The following CEP295NL variants were observed in gnomAD, a reference collection of about 807,000 sequenced individuals.
CEP295NL encodes the protein CEP295 N-terminal like, also known as protein DDC8 homolog.
A neutral mutation model predicts 4.6 loss-of-function variants in CEP295NL; 3 were observed. That is an observed-to-expected ratio of 0.65 (90% CI 0.30 to 1.69). The LOEUF (loss-of-function observed/expected upper bound fraction) is 1.69. Ranked by LOEUF, CEP295NL falls within the 40% of genes most tolerant of loss-of-function variation. The pLI, the probability that CEP295NL is intolerant of heterozygous loss-of-function variation, is 0.10. For missense variants in CEP295NL, 719 were observed against 769.0 expected, an observed-to-expected ratio of 0.93 and a Z score of 0.77; for synonymous variants, 295 against 312.2, an observed-to-expected ratio of 0.94 and a Z score of 0.58.
rs930934547 is a variant in CEP295NL, at chr17:78,896,146, G to C, written c.45-3687C>G. 6.6e-6 allele frequency among the ~76,000 whole-genome samples: 1 copy of C among 152,108 alleles called. No individual in the cohort carries two copies. The highest frequency in any genetic ancestry group is 2.1e-4 in the South Asian group (1 of 4,824). ...CTCTGACACCATCAGATGCAACCTC[G>C]TCCCCGCTACCCCAGCTCTCCTTGC... On this transcript the variant is annotated intron_variant, in intron 2 of 2. Transcript: ENST00000322630. This position sits in a 1 kb window ranked among gnomAD's most constrained non-coding sequence, Gnocchi z 4.4.
rs1376371800 is a variant in CEP295NL, at chr17:78,891,145, C to T, written c.1359G>A (p.Glu453=). 3.2e-6 allele frequency: 5 copies of T among 1,550,664 alleles called. No individual in the cohort carries two copies. The highest frequency in any genetic ancestry group is 2.4e-5 in the East Asian group (1 of 40,920). ...CCTCTTTGTTGATAAATATACCTGC[C>T]TCGGGAGACAATGTTTGACTTCCAT... ...FRNGSQTLSP[E]AGIFINKEDS... Residue 453 remains glutamate (E), a synonymous_variant, in exon 3 of 3, where the codon GAG becomes GAA. Transcript: ENST00000322630. This position sits in a 1 kb window ranked among gnomAD's most constrained non-coding sequence, Gnocchi z 4.5.
chr17:78,893,717 G>A (rs1247876747), intron 2 of CEP295NL, among the ~76,000 whole-genome samples: 1 of 152,030 alleles, frequency 6.6e-6, no homozygotes, highest in Non-Finnish European at 1.5e-5. Flanking sequence ...AACCAGAGAG[G>A]AGGAGAAGCT....
Position 78,893,471 on chromosome 17 carries a change from A to G in CEP295NL, c.45-1012T>C, listed in dbSNP as rs1327415993. On this transcript the variant is annotated intron_variant, in intron 2 of 2. Coordinates refer to ENST00000322630, the MANE Select transcript of CEP295NL (RefSeq NM_001243540.2). ...GCTGTGTGTGCAGGGGTGTGTGTGCATAGCGGTGTGTGTGCAGGGGTGTGT... is the reference window on the plus strand; with the variant it reads ...GCTGTGTGTGCAGGGGTGTGTGTGCGTAGCGGTGTGTGTGCAGGGGTGTGT... Among the ~76,000 whole-genome samples the G allele has an allele frequency of 2.6e-3, 279 of 108,194 alleles. 3 individuals are homozygous for G. Among genetic ancestry groups the G allele is most frequent in the African/African-American group, 9.7e-3 (262 of 27,148 alleles). The allele number at this position is 108,194 out of a possible 152,430, so 71.0% of individuals were successfully genotyped here.
chr17:78,890,642 CA>C lies in CEP295NL; in HGVS notation c.1861del (p.Cys621AlafsTer?). 1 of 1,549,810 alleles carries C rather than the reference CA, an allele frequency of 6.5e-7. No individual in the cohort carries two copies. Among genetic ancestry groups the C allele is most frequent in the Non-Finnish European group, 8.7e-7 (1 of 1,146,318 alleles). The stretch of plus-strand genomic sequence containing the variant: ...CCCCGGGTGGGCCTCTCGCATTTAG[CA>C]TATGTTCTGAAACTCCCGCAAGCAT... ...RKCLREFQNIC is the reference protein window; with the variant it reads ...RKCLREFQNIX On this transcript the variant is annotated frameshift_variant, in exon 3 of 3. Coordinates refer to ENST00000322630, the MANE Select transcript of CEP295NL (RefSeq NM_001243540.2). LOFTEE classifies it high-confidence loss of function.
rs1454768220 is a variant in CEP295NL, at chr17:78,891,499, G to C, written c.1005C>G (p.Asn335Lys). 1 of 1,551,028 alleles carries C rather than the reference G, an allele frequency of 6.4e-7. No homozygotes were observed. Among genetic ancestry groups the C allele is most frequent in the Non-Finnish European group, 8.7e-7 (1 of 1,147,128 alleles). ...PASQCTLREKNKWQKELELAF... is the reference protein window; with the variant it reads ...PASQCTLREKKKWQKELELAF... ...CCAACTCCAGCTCTTTCTGCCACTT[G>C]TTCTTCTCCCGGAGCGTGCACTGAG... The change falls in exon 3 of 3, where the codon AAC becomes AAG. Residue 335 changes from asparagine to lysine, a missense_variant. By Grantham distance (94) the Asn-to-Lys change is moderately conservative (BLOSUM62 0). Transcript: ENST00000322630. The surrounding 1 kb of genome is among the most constrained non-coding windows in gnomAD (Gnocchi z 4.5).
Position 78,890,621 on chromosome 17 carries a change from G to A in CEP295NL, c.*17C>T, listed in dbSNP as rs770299113. ...CCATTATCAGTGATGTATTTACCCC[G>A]GGTGGGCCTCTCGCATTTAGCATAT... On this transcript the variant is annotated 3_prime_UTR_variant, in exon 3 of 3. Coordinates refer to ENST00000322630, the MANE Select transcript of CEP295NL (RefSeq NM_001243540.2). The A allele has an allele frequency of 7.1e-5, 110 of 1,546,326 alleles. No homozygotes were observed. Among genetic ancestry groups the A allele is most frequent in the South Asian group, 5.8e-4 (49 of 83,856 alleles).
At chr17:78,893,410 T>C (rs58034643) in intron 2 of CEP295NL, among the ~76,000 whole-genome samples, 2,038 of 90,774 alleles carry the variant, frequency 0.022, 104 homozygotes, top group African/African-American at 0.16. Context: ...GGGGTGTGTG[T>C]GCATAGGGGT....
At chr17:78,901,558 G>A (rs1599169916) in intron 2 of CEP295NL, among the ~76,000 whole-genome samples, 1 of 152,162 alleles carries the variant, frequency 6.6e-6, no homozygotes, top group South Asian at 2.1e-4. Flanking sequence ...AAAGCCAAAG[G>A]AGGTGAGGTG....
Position 78,890,868 on chromosome 17 carries a change from T to G in CEP295NL, c.1636A>C (p.Arg546=), listed in dbSNP as rs1185232043. ...TTCAGATGGGCCAGTCGAGCTCTTCTTTGCTCCCTCCTCTCTTTTTCTAGC... is the reference window on the plus strand; with the variant it reads ...TTCAGATGGGCCAGTCGAGCTCTTCGTTGCTCCCTCCTCTCTTTTTCTAGC... ...AELEKERREQ[R]RARLAHLKSS... Residue 546 remains arginine, a synonymous_variant, in exon 3 of 3, where the codon AGA becomes CGA. Transcript: ENST00000322630. The G allele has an allele frequency of 1.3e-6, 2 of 1,550,652 alleles. No homozygotes were observed. The highest frequency in any genetic ancestry group is 1.7e-6 in the Non-Finnish European group (2 of 1,147,020).
intron 2 of CEP295NL, among the ~76,000 whole-genome samples, chr17:78,893,235 ATGTG>A (rs34814400): frequency 0.021 from 1,863 of 88,094 alleles, 22 homozygotes; most frequent in Non-Finnish European, 0.029. Flanking sequence ...GTGTGTGTGC[ATGTG>A]TGTGTAGGAG....
Position 78,891,936 on chromosome 17 carries a change from TGG to T in CEP295NL, c.566_567del (p.Pro189GlnfsTer32). ...GCTGTCTTCCGGGGCCTGGAGTGCC[TGG>T]GGTGTTGCTGGCCCAACTCTTCCCT... ...SCREELGQQH[P>X]RHSRPRKTAA... On this transcript the variant is annotated frameshift_variant, in exon 3 of 3. Coordinates refer to ENST00000322630, the MANE Select transcript of CEP295NL (RefSeq NM_001243540.2). LOFTEE classifies it low-confidence loss of function (END_TRUNC). This position sits in a 1 kb window ranked among gnomAD's most constrained non-coding sequence, Gnocchi z 4.5. 1 of 1,550,568 alleles carries T rather than the reference TGG, an allele frequency of 6.4e-7. No individual in the cohort carries two copies. The highest frequency in any genetic ancestry group is 1.4e-5 in the African/African-American group (1 of 73,162).
Position 78,891,378 on chromosome 17 carries a change from C to G in CEP295NL, c.1126G>C (p.Gly376Arg). The stretch of plus-strand genomic sequence containing the variant: ...TCTTGCATCTCTGAGAAGGCATGCC[C>G]TTCCCCAGGTCTCTGGTCCATCCTG... ...KPRMDQRPGE[G>R]HAFSEMQECG... The change falls in exon 3 of 3, where the codon GGG (glycine) becomes CGG (arginine). Residue 376 changes from glycine to arginine, a missense_variant. Gly to Arg is a moderately radical substitution (Grantham distance 125). Coordinates refer to ENST00000322630, the MANE Select transcript of CEP295NL (RefSeq NM_001243540.2). This position sits in a 1 kb window ranked among gnomAD's most constrained non-coding sequence, Gnocchi z 4.5. The G allele has an allele frequency of 1.3e-6, 2 of 1,550,682 alleles. No individual in the cohort carries two copies. The highest frequency in any genetic ancestry group is 1.7e-6 in the Non-Finnish European group (2 of 1,147,036).
At chr17:78,893,625 C>T (rs532573430) in intron 2 of CEP295NL, among the ~76,000 whole-genome samples, 2 of 151,794 alleles carry the variant, frequency 1.3e-5, no homozygotes, top group East Asian at 1.9e-4. Flanking sequence ...GTGTGCATGT[C>T]GGTGTGTGTA....
rs1249063044 is a variant in CEP295NL at position 78,892,047 on chromosome 17, G to T, written c.457C>A (p.Gln153Lys). 6.4e-7 allele frequency: 1 copy of T among 1,550,980 alleles called. No individual in the cohort carries two copies. The highest frequency in any genetic ancestry group is 2.4e-5 in the East Asian group (1 of 40,906). The change falls in exon 3 of 3, where the codon CAG becomes AAG. Residue 153 changes from glutamine to lysine, a missense_variant. Transcript: ENST00000322630. ...GCTGATCTTCGCTGGATGGGCCCCT[G>T]CGAGTCAGGCTCATTTTCCCTGGCC... ...GRARENEPDSQGPIQRRSARP... is the reference protein window; with the variant it reads ...GRARENEPDSKGPIQRRSARP...
In CEP295NL at chr17:78,892,073, C is replaced by T. The variant is rs549285911; in HGVS notation, c.431G>A (p.Arg144Gln). The T allele has an allele frequency of 3.2e-4, 499 of 1,551,702 alleles. No homozygotes were observed. The highest frequency in any genetic ancestry group is 4.2e-4 in the Non-Finnish European group (477 of 1,147,810). ...CGAGTCAGGCTCATTTTCCCTGGCC[C>T]GTCCTCCTCCCCAGCCCAACAGACG... ...SARLLGWGGG[R>Q]ARENEPDSQG... The change falls in exon 3 of 3, where the codon CGG becomes CAG. Residue 144 changes from arginine to glutamine, a missense_variant. Arg to Gln is a conservative substitution (Grantham distance 43). Transcript: ENST00000322630.
At position 78,896,332 on chromosome 17, in the gene CEP295NL, C is replaced by T. The variant is rs1046156261; in HGVS notation, c.45-3873G>A. 6.6e-6 allele frequency among the ~76,000 whole-genome samples: 1 copy of T among 152,200 alleles called. No individual in the cohort carries two copies. The highest frequency in any genetic ancestry group is 1.5e-5 in the Non-Finnish European group (1 of 68,026). ...ACCTGTTGCACAGCCTGCTGGGATG[C>T]CTGCCTCTGCCTGTGATGCCCAGGC... is the stretch of plus-strand genomic sequence containing the variant. On this transcript the variant is annotated intron_variant, in intron 2 of 2. Transcript: ENST00000322630. This position sits in a 1 kb window ranked among gnomAD's most constrained non-coding sequence, Gnocchi z 4.4.
Position 78,901,983 on chromosome 17 carries a change from C to T in CEP295NL, c.-98-57G>A, listed in dbSNP as rs545340258. The T allele has an allele frequency of 3.4e-5, 20 of 589,300 alleles. No individual in the cohort carries two copies. The East Asian group carries it at 4.0e-4, about 12-fold the overall frequency. The allele number at this position is 589,300 out of a possible 1,614,324, so 36.5% of individuals were successfully genotyped here. The stretch of plus-strand genomic sequence containing the variant: ...CAAACATCAGAAACATTTTTAACTC[C>T]GTTTCTCTGAGTTCTAGCCTCTAAA... On this transcript the variant is annotated intron_variant, in intron 1 of 2. Transcript: ENST00000322630.
rs937815253 is a variant in CEP295NL, at chr17:78,896,750, T to C, written c.45-4291A>G. Among the ~76,000 whole-genome samples, 2 of 152,130 alleles carry C rather than the reference T, an allele frequency of 1.3e-5. No homozygotes were observed. Among genetic ancestry groups the C allele is most frequent in the Admixed American group, 6.5e-5 (1 of 15,284 alleles). On this transcript the variant is annotated intron_variant, in intron 2 of 2. Transcript: ENST00000322630. This position sits in a 1 kb window ranked among gnomAD's most constrained non-coding sequence, Gnocchi z 4.4. ...GAAGGAAGGCGAGTGGACACCAATC[T>C]GGCCTCCGGACGGCACCAGGGCCTC...
In CEP295NL at chr17:78,896,953, C is replaced by A; in HGVS notation, c.45-4494G>T. On this transcript the variant is annotated intron_variant, in intron 2 of 2. Transcript: ENST00000322630. The surrounding 1 kb of genome is among the most constrained non-coding windows in gnomAD (Gnocchi z 4.4). ...AGCGATTCTCACCAAAGTCAGGCAACCTCTGGCCTACAGCTTGAGAATGAC... is the reference window on the plus strand; with the variant it reads ...AGCGATTCTCACCAAAGTCAGGCAAACTCTGGCCTACAGCTTGAGAATGAC... The A allele has an allele frequency of 1.0e-6, 1 of 985,406 alleles. No homozygotes were observed. 61.0% of individuals were successfully genotyped at this position (985,406 alleles called of 1,614,324 possible).
Sources: allele counts gnomAD v4.1 joint callset (sites outside exome capture counted in the v4.1 genomes callset), GRCh38; gene constraint gnomAD v4.1.1; non-coding constraint Gnocchi (gnomAD v3.1); transcripts MANE v1.5; gene names NCBI Gene and HGNC (gene_info 2026-07-23, HGNC 2026-07-21).